The following NCOR2 variants were observed in gnomAD, a reference collection of about 807,000 sequenced individuals.
NCOR2 encodes nuclear receptor corepressor 2.
In NCOR2, 81 loss-of-function variants were observed where a neutral mutation model predicts 262.9. The ratio of observed to expected loss-of-function variants is 0.31; its 90% CI spans 0.26 to 0.37. The LOEUF (loss-of-function observed/expected upper bound fraction) is 0.37. Ranked by LOEUF, NCOR2 falls within the 10% of genes least tolerant of loss-of-function variation. The pLI, the probability that NCOR2 is intolerant of heterozygous loss-of-function variation, is 1.00. For synonymous variants in NCOR2, 1,659 were observed against 1,559.3 expected, an observed-to-expected ratio of 1.06 and a Z score of -1.51; for missense variants, 3,385 against 3,621.4, an observed-to-expected ratio of 0.93 and a Z score of 1.68.
At chr12:124,329,043 C>T (rs765583913) in intron 44 of NCOR2, 18 of 462,976 alleles carry the variant, frequency 3.9e-5, no homozygotes, top group African/African-American at 8.0e-5. Context: ...GCCACGAGTC[C>T]GTGACCTGAT....
Position 124,495,219 on chromosome 12 carries a change from C to A in NCOR2, c.33G>T (p.Thr11=), listed in dbSNP as rs369322766. ...GGTAGCGGGGCTCAGTGGCCCTCCA[C>A]GTCTGTGCCACAGGCTGTGTGGATC... Residue 11 remains threonine, a synonymous_variant, in exon 1 of 47, where the codon ACG becomes ACT. Transcript: ENST00000405201. The surrounding 1 kb of genome is among the most constrained non-coding windows in gnomAD (Gnocchi z 4.4). 6 of 1,613,602 alleles carry A rather than the reference C, an allele frequency of 3.7e-6. No individual in the cohort carries two copies. Among genetic ancestry groups the A allele is most frequent in the Non-Finnish European group, 4.2e-6 (5 of 1,179,890 alleles).
rs193245778 is a variant in NCOR2, at chr12:124,475,386, G to T, written c.412-2255C>A. ...GAAGTGGATCCCACAACAGCCCTCC[G>T]AGGGGACTGCTGCTCCATCTCCATT... is the stretch of plus-strand genomic sequence containing the variant. On this transcript the variant is annotated intron_variant, in intron 3 of 46. Coordinates refer to ENST00000405201, the Ensembl canonical transcript of NCOR2. Among the ~76,000 whole-genome samples, 540 of 152,288 alleles carry T rather than the reference G, an allele frequency of 3.5e-3. 5 individuals are homozygous for T. Among genetic ancestry groups the T allele is most frequent in the African/African-American group, 0.012 (513 of 41,554 alleles).
At chr12:124,496,197 C>T (rs189266130), upstream of NCOR2, among the ~76,000 whole-genome samples, 2 of 152,068 alleles carry the variant, frequency 1.3e-5, no homozygotes, top group Admixed American at 6.5e-5. The surrounding 1 kb of genome is among the most constrained non-coding windows in gnomAD (Gnocchi z 4.4). Flanking sequence ...ACCCCTACTC[C>T]GAAGCTGCCT....
At position 124,457,359 on chromosome 12, in the gene NCOR2, C is replaced by G. The variant is rs1204087374; in HGVS notation, c.706-197G>C. Among the ~76,000 whole-genome samples, 1 of 151,878 alleles carries G rather than the reference C, an allele frequency of 6.6e-6. No homozygotes were observed. Among genetic ancestry groups the G allele is most frequent in the Admixed American group, 6.5e-5 (1 of 15,270 alleles). ...AAAACACAGAGGAGCCTCAATACCC[C>G]CACAGCGGCCCCAGCAAGCCAGCCA... On this transcript the variant is annotated intron_variant, in intron 5 of 46. Transcript: ENST00000405201. The surrounding 1 kb of genome is among the most constrained non-coding windows in gnomAD (Gnocchi z 4.0).
chr12:124,432,137 C>T lies in NCOR2; in HGVS notation c.883-1350G>A, dbSNP rs2043992274. Among the ~76,000 whole-genome samples, 1 of 152,002 alleles carries T rather than the reference C, an allele frequency of 6.6e-6. No homozygotes were observed. Among genetic ancestry groups the T allele is most frequent in the Admixed American group, 6.6e-5 (1 of 15,262 alleles). Reference sequence around the variant, plus strand: ...CATATGACAGACACACACACAGTCGCAGGCAGACAAACAGATGCACACACA... The same window carrying T: ...CATATGACAGACACACACACAGTCGTAGGCAGACAAACAGATGCACACACA... On this transcript the variant is annotated intron_variant, in intron 8 of 46. Transcript: ENST00000405201. The surrounding 1 kb of genome is among the most constrained non-coding windows in gnomAD (Gnocchi z 5.1).
chr12:124,363,556 G>A (rs1039097305), intron 21 of NCOR2, 123 bp downstream of exon 23: 24 of 990,208 alleles, frequency 2.4e-5, no homozygotes, highest in African/African-American at 3.3e-5. Flanking sequence ...GATTTCTCCA[G>A]GAAACAGAAG....
At chr12:124,501,060 GCGCACACACACA>G (rs1272458692) in intron 1 of NCOR2, among the ~76,000 whole-genome samples, 175 of 48,824 alleles carry the variant, frequency 3.6e-3, no homozygotes, top group African/African-American at 9.9e-3. Context: ...GCGCGCACGC[GCGCACACACACA>G]CACACACACA....
chr12:124,433,832 CCTCT>C (rs1453720073), intron 8 of NCOR2, among the ~76,000 whole-genome samples: 4 of 102,272 alleles, frequency 3.9e-5, no homozygotes, highest in South Asian at 6.3e-4. Context: ...TCCCTCCCTC[CCTCT>C]CTCTGTCTTA....
intron 40 of NCOR2, 144 bp downstream of exon 42, chr12:124,334,991 C>T (rs1447103677): frequency 3.3e-5 from 41 of 1,254,678 alleles, no homozygotes; most frequent in Middle Eastern, 2.7e-4. Context: ...CCCTCACCCA[C>T]GCCCTGGATC....
intron 16 of NCOR2, among the ~76,000 whole-genome samples, chr12:124,392,528 C>A (rs2041381235): frequency 6.6e-6 from 1 of 152,116 alleles, no homozygotes; most frequent in Non-Finnish European, 1.5e-5. Context: ...TCCTGCTGGG[C>A]CCTGACGGAC....
At chr12:124,433,662 T>C (rs1565940007) in intron 8 of NCOR2, among the ~76,000 whole-genome samples, 1 of 152,176 alleles carries the variant, frequency 6.6e-6, no homozygotes, top group Non-Finnish European at 1.5e-5. Flanking sequence ...TGCTGTAGCC[T>C]GTGCCTATGT....
intron 45 of NCOR2, 90 bp downstream of exon 47, chr12:124,327,319 G>T: frequency 9.5e-7 from 1 of 1,047,184 alleles, no homozygotes; most frequent in Non-Finnish European, 1.4e-6. Flanking sequence ...AAAGCTCGAG[G>T]AGGGGGTTGT....
At chr12:124,558,232 C>T (rs993103418) in intron 1 of NCOR2, among the ~76,000 whole-genome samples, 3 of 152,126 alleles carry the variant, frequency 2.0e-5, no homozygotes, top group Admixed American at 2.0e-4. Context: ...AGACAGATCC[C>T]CTGGGTCACA....
At chr12:124,376,194 C>T (rs1050223865) in intron 18 of NCOR2, among the ~76,000 whole-genome samples, 8 of 152,206 alleles carry the variant, frequency 5.3e-5, no homozygotes, top group African/African-American at 1.9e-4. Context: ...GGAAGACCAC[C>T]ACTGTCACAG....
intron 2 of NCOR2, 127 bp downstream of exon 4, chr12:124,486,314 A>G (rs1230978659): frequency 2.1e-6 from 3 of 1,436,656 alleles, no homozygotes; most frequent in Admixed American, 2.5e-5. Context: ...TCAAGGGTGA[A>G]CACACGGCCC....
At position 124,420,066 on chromosome 12, in the gene NCOR2, G is replaced by C; in HGVS notation, c.1384-11C>G. 6.2e-7 allele frequency: 1 copy of C among 1,606,328 alleles called. No homozygotes were observed. The highest frequency in any genetic ancestry group is 8.5e-7 in the Non-Finnish European group (1 of 1,174,828). The stretch of plus-strand genomic sequence containing the variant: ...GCACTCAGCCACTGTCTGTGGGACA[G>C]AGAAAGAGGACGCTGAGCAGGGTAC... On this transcript the variant is annotated splice_polypyrimidine_tract_variant and intron_variant, in intron 12 of 46. Transcript: ENST00000405201.
At position 124,531,925 on chromosome 12, in the gene NCOR2, G is replaced by A. The variant is rs1040451515; in HGVS notation, c.-118+3640C>T. 3.4e-5 allele frequency among the ~76,000 whole-genome samples: 5 copies of A among 148,770 alleles called. No individual in the cohort carries two copies. The East Asian group carries it at 6.0e-4, about 18-fold the overall frequency. On this transcript the variant is annotated intron_variant, in intron 1 of 46. Transcript: ENST00000404621. The surrounding 1 kb of genome is among the most constrained non-coding windows in gnomAD (Gnocchi z 4.5). Reference sequence around the variant, plus strand: ...CTGAAGAATCCACTCACAGAGTTTCGAGTCACGGGCAACCCACTTTTGGGG... The same window carrying A: ...CTGAAGAATCCACTCACAGAGTTTCAAGTCACGGGCAACCCACTTTTGGGG...
At chr12:124,425,412 AGATTTTTTTTGT>A (rs2043475494) in intron 11 of NCOR2, among the ~76,000 whole-genome samples, 1 of 152,040 alleles carries the variant, frequency 6.6e-6, no homozygotes, top group Admixed American at 6.5e-5. Context: ...AAACCTTATG[AGATTTTTTTTGT>A]GATTTTTTTT....
At chr12:124,442,580 T>C (rs899920424) in intron 7 of NCOR2, among the ~76,000 whole-genome samples, 2 of 152,200 alleles carry the variant, frequency 1.3e-5, no homozygotes, top group Non-Finnish European at 2.9e-5. Flanking sequence ...TCAAAATAAA[T>C]AGTTCCACCT....
Sources: gnomAD v4.1 joint callset for allele counts (sites outside exome capture counted in the v4.1 genomes callset) on GRCh38, gnomAD v4.1.1 for gene constraint, Gnocchi (gnomAD v3.1) non-coding constraint, MANE v1.5 for transcripts, NCBI Gene and HGNC (gene_info 2026-07-23, HGNC 2026-07-21) for gene names.